UBE2W: variants seen among roughly 807,000 people sequenced by gnomAD.
UBE2W encodes ubiquitin-conjugating enzyme E2 W.
Under a neutral mutation model 27.2 loss-of-function variants are expected in UBE2W, and 18 were observed. That is an observed-to-expected ratio of 0.66 (90% CI 0.46 to 0.98). UBE2W has a LOEUF of 0.98. UBE2W is among the 50% of genes least tolerant of loss of function. UBE2W has a pLI of 0.00. For synonymous variants in UBE2W, 53 were observed against 57.2 expected (o/e 0.93, Z 0.33); for missense variants, 90 against 180.2 (o/e 0.50, Z 2.87).
rs1301285560 is a variant in UBE2W, at chr8:73,786,439, A to G, written c.*7663T>C. The G allele has an allele frequency of 1.0e-6, 1 of 984,678 alleles. No homozygotes were observed. Among genetic ancestry groups the G allele is most frequent in the Non-Finnish European group, 1.2e-6 (1 of 829,356 alleles). The allele number at this position is 984,678 out of a possible 1,614,324, so 61.0% of individuals were successfully genotyped here. On this transcript the variant is annotated 3_prime_UTR_variant, in exon 6 of 6. Coordinates refer to ENST00000602593, the MANE Select transcript of UBE2W (RefSeq NM_018299.6). ...AATGCCTATGTGCTACAGGTACTGT[A>G]TACTAGGTACTGTGTGCTACGTGCT...
At chr8:73,851,929 C>A in intron 1 of UBE2W, among the ~76,000 whole-genome samples, 1 of 127,798 alleles carries the variant, frequency 7.8e-6, no homozygotes, top group African/African-American at 2.9e-5. Context: ...GTCTGGGCAA[C>A]ACAGTAAGAC....
chr8:73,839,268 G>C lies in UBE2W; in HGVS notation c.16-8796C>G, dbSNP rs2130924074. ...CTTCAGTAGGGAACATTACTGTTTA[G>C]AATGAATACTACTACATCAAATGAA... On this transcript the variant is annotated intron_variant, in intron 1 of 5. Transcript: ENST00000602593. 1.4e-5 allele frequency among the ~76,000 whole-genome samples: 2 copies of C among 144,614 alleles called. 1 individual carries two copies. The highest frequency in any genetic ancestry group is 4.4e-4 in the South Asian group (2 of 4,574). The allele number at this position is 144,614 out of a possible 152,430, so 94.9% of individuals were successfully genotyped here.
In UBE2W at chr8:73,788,708, T is replaced by C; in HGVS notation, c.*5394A>G. On this transcript the variant is annotated 3_prime_UTR_variant, in exon 6 of 6. Transcript: ENST00000602593. ...TCATTTTGAAATCATGCTTTTGCCT[T>C]TGAGAAAACAACTTAGAATTGTTGT... 1.0e-6 allele frequency: 1 copy of C among 985,422 alleles called. No homozygotes were observed. Among genetic ancestry groups the C allele is most frequent in the Non-Finnish European group, 1.2e-6 (1 of 829,932 alleles). The allele number at this position is 985,422 out of a possible 1,614,324, so 61.0% of individuals were successfully genotyped here. A position where few individuals can be genotyped will look rare whatever the true frequency, so the allele number is the denominator to read the frequency against.
At chr8:73,806,225 C>T (rs1484490962) in intron 4 of UBE2W, among the ~76,000 whole-genome samples, 1 of 151,898 alleles carries the variant, frequency 6.6e-6, no homozygotes, top group Non-Finnish European at 1.5e-5. Context: ...AAGTCAAATT[C>T]ACATAATAAT....
At chr8:73,870,214 T>G in intron 1 of UBE2W, 1 of 1,544,404 alleles carries the variant, frequency 6.5e-7, no homozygotes, top group Non-Finnish European at 8.8e-7. Flanking sequence ...GCTCACAATT[T>G]TATTTGACTA....
At chr8:73,829,843 G>GT (rs562604035) in intron 2 of UBE2W, among the ~76,000 whole-genome samples, 81 of 151,842 alleles carry the variant, frequency 5.3e-4, no homozygotes, top group Non-Finnish European at 2.5e-4. Flanking sequence ...CTTTTTAGAG[G>GT]TTTTTTTTAA....
At chr8:73,848,364 A>T (rs1810907830) in intron 1 of UBE2W, among the ~76,000 whole-genome samples, 1 of 152,086 alleles carries the variant, frequency 6.6e-6, no homozygotes, top group African/African-American at 2.4e-5. Flanking sequence ...TAAAGCTCAC[A>T]AACAGGCAAA....
At chr8:73,781,323 G>T (rs191635058), downstream of UBE2W, among the ~76,000 whole-genome samples, 74 of 151,412 alleles carry the variant, frequency 4.9e-4, no homozygotes, top group African/African-American at 1.6e-3. Flanking sequence ...TAGTTAATGG[G>T]CAATTAACCC....
At chr8:73,869,613 C>T (rs1441883913) in intron 1 of UBE2W, among the ~76,000 whole-genome samples, 1 of 152,162 alleles carries the variant, frequency 6.6e-6, no homozygotes, top group Non-Finnish European at 1.5e-5. Flanking sequence ...ATTGCTTGAA[C>T]CTGGGAGACG....
intron 5 of UBE2W, 30 bp downstream of exon 5, chr8:73,805,620 TA>T: frequency 5.8e-6 from 8 of 1,384,036 alleles, no homozygotes; most frequent in Non-Finnish European, 7.8e-6. Flanking sequence ...ATCAAAATGC[TA>T]AAAAGTTATT....
intron 1 of UBE2W, among the ~76,000 whole-genome samples, chr8:73,859,197 A>G (rs1477050809): frequency 2.0e-5 from 3 of 152,112 alleles, no homozygotes; most frequent in Admixed American, 6.6e-5. Context: ...TTCTCAGTCT[A>G]TAACAAGGAT....
chr8:73,792,503 T>C lies in UBE2W; in HGVS notation c.*1599A>G, dbSNP rs1211320183. Reference sequence around the variant, plus strand: ...TCATCTATACAGATTAAAAACAATTTTAAAATATTATTTACCAATTATTGA... The same window carrying C: ...TCATCTATACAGATTAAAAACAATTCTAAAATATTATTTACCAATTATTGA... On this transcript the variant is annotated 3_prime_UTR_variant, in exon 6 of 6. Coordinates refer to ENST00000602593, the MANE Select transcript of UBE2W (RefSeq NM_018299.6). 3.0e-6 allele frequency: 3 copies of C among 985,228 alleles called. No individual in the cohort carries two copies. In the East Asian group the frequency reaches 3.4e-4, roughly 112 times the overall value. The allele number at this position is 985,228 out of a possible 1,614,324, so 61.0% of individuals were successfully genotyped here. A position where few individuals can be genotyped will look rare whatever the true frequency, so the allele number is the denominator to read the frequency against.
chr8:73,790,787 C>T lies in UBE2W; in HGVS notation c.*3315G>A. The T allele has an allele frequency of 1.0e-6, 1 of 981,252 alleles. No homozygotes were observed. Among genetic ancestry groups the T allele is most frequent in the Non-Finnish European group, 1.2e-6 (1 of 826,264 alleles). The allele number at this position is 981,252 out of a possible 1,614,324, so 60.8% of individuals were successfully genotyped here. On this transcript the variant is annotated 3_prime_UTR_variant, in exon 6 of 6. Transcript: ENST00000602593. ...AACAAGTAATATGTAGTTACATAAC[C>T]ATTTTCATATCACTACTCATTTCCA...
At chr8:73,806,671 C>T (rs1424201536) in intron 4 of UBE2W, among the ~76,000 whole-genome samples, 1 of 152,132 alleles carries the variant, frequency 6.6e-6, no homozygotes, top group African/African-American at 2.4e-5. Context: ...GAGATTGCGC[C>T]ACTGCACTCC....
downstream of UBE2W, among the ~76,000 whole-genome samples, chr8:73,781,929 CTTTTTTTTTTT>C (rs71269945): frequency 1.2e-3 from 117 of 96,014 alleles, 3 homozygotes; most frequent in African/African-American, 4.4e-3. Flanking sequence ...TAAAAGCCTC[CTTTTTTTTTTT>C]TTTTTTTTTT....
chr8:73,811,985 ATT>A (rs1424011527), intron 3 of UBE2W, among the ~76,000 whole-genome samples: 13 of 152,158 alleles, frequency 8.5e-5, no homozygotes, highest in African/African-American at 2.6e-4. Context: ...TATGAATCTG[ATT>A]TTGTTACAAT....
At chr8:73,784,528 G>A (rs947168878), downstream of UBE2W, among the ~76,000 whole-genome samples, 5 of 152,084 alleles carry the variant, frequency 3.3e-5, no homozygotes, top group South Asian at 2.1e-4. Flanking sequence ...TTATTTCCTA[G>A]AATGTGATAA....
intron 1 of UBE2W, among the ~76,000 whole-genome samples, chr8:73,833,152 T>G: frequency 8.4e-6 from 1 of 119,668 alleles, no homozygotes. Context: ...GCCACTGCAC[T>G]ACAGCCTGGG....
chr8:73,807,712 T>A (rs1445850784), intron 4 of UBE2W, among the ~76,000 whole-genome samples: 1 of 152,234 alleles, frequency 6.6e-6, no homozygotes, highest in Non-Finnish European at 1.5e-5. Flanking sequence ...ACTCATTTTA[T>A]GTATATGTTG....
Sources: gnomAD v4.1 joint callset for allele counts (sites outside exome capture counted in the v4.1 genomes callset) on GRCh38, gnomAD v4.1.1 for gene constraint, MANE v1.5 for transcripts, NCBI Gene and HGNC (gene_info 2026-07-23, HGNC 2026-07-21) for gene names.